Variants in ABCC4 observed in about 807,000 individuals in gnomAD.
The protein encoded by ABCC4 is ATP binding cassette subfamily C member 4 (PEL blood group).
A neutral mutation model predicts 168.5 loss-of-function variants in ABCC4; 102 were observed. The observed-to-expected ratio is 0.61, with a 90% CI of 0.52 to 0.71. The LOEUF (loss-of-function observed/expected upper bound fraction) is 0.71. Ranked by LOEUF, ABCC4 falls within the 30% of genes least tolerant of loss-of-function variation. The pLI is 0.00. For missense variants in ABCC4, 1,402 were observed against 1,605.8 expected (o/e 0.87, Z 2.17); for synonymous variants, 617 against 590.7 (o/e 1.04, Z -0.65).
intron 22 of ABCC4, 88 bp from the exon 23 acceptor site, chr13:95,074,412 C>T (rs917921388): frequency 6.6e-6 from 7 of 1,064,698 alleles, no homozygotes; most frequent in African/African-American, 3.2e-5. Context: ...AAGATTTTTA[C>T]GTGGAGTAGG....
intron 28 of ABCC4, 101 bp from the exon 29 acceptor site, chr13:95,043,888 C>T: frequency 1.4e-6 from 1 of 731,020 alleles, no homozygotes; most frequent in Non-Finnish European, 2.2e-6. Flanking sequence ...AAAAAAAGAT[C>T]ATATCTATTT....
In ABCC4 at chr13:95,206,608, C is replaced by T. The variant is rs986813068; in HGVS notation, c.1085G>A (p.Arg362Gln). The T allele has an allele frequency of 5.0e-6, 8 of 1,614,120 alleles. No individual in the cohort carries two copies. Among genetic ancestry groups the T allele is most frequent in the Non-Finnish European group, 6.8e-6 (8 of 1,180,016 alleles). Residue 362 changes from arginine (R) to glutamine (Q), a missense_variant, in exon 8 of 31, where the codon CGG (arginine) becomes CAG (glutamine). Physicochemically the swap from Arg to Gln is conservative, Grantham distance 43 (BLOSUM62 1). Transcript: ENST00000645237. ...GGGGAAGAAGAGGGTAACCGTCAGC[C>T]GCACAGCCCCATACAGCGTCACTGC... The part of the protein sequence containing the change: ...FVAVTLYGAV[R>Q]LTVTLFFPSA...
chr13:95,191,282 G>C (rs1172629186), intron 9 of ABCC4, among the ~76,000 whole-genome samples: 2 of 152,120 alleles, frequency 1.3e-5, no homozygotes, highest in Non-Finnish European at 2.9e-5. Context: ...TCTATAAATG[G>C]TCAAATGCTA....
intron 6 of ABCC4, 99 bp from the exon 7 acceptor site, chr13:95,208,024 A>G (rs1269125318): frequency 2.9e-6 from 4 of 1,395,856 alleles, no homozygotes; most frequent in African/African-American, 1.4e-5. Context: ...GGTTCCCTAC[A>G]GCGCTTTTGC....
At position 95,263,315 on chromosome 13, in the gene ABCC4, G is replaced by A. The variant is rs890528126; in HGVS notation, c.75-15562C>T. On this transcript the variant is annotated intron_variant, in intron 1 of 30. Coordinates refer to ENST00000645237, the MANE Select transcript of ABCC4 (RefSeq NM_005845.5). ...GCATAGGAACCTAACCCTGTATTTCGCCTGGAAGCAATGGTTCAGTATTCA... is the reference window on the plus strand; with the variant it reads ...GCATAGGAACCTAACCCTGTATTTCACCTGGAAGCAATGGTTCAGTATTCA... 4.6e-5 allele frequency among the ~76,000 whole-genome samples: 7 copies of A among 152,170 alleles called. No homozygotes were observed. The East Asian group carries it at 7.7e-4, about 17-fold the overall frequency.
intron 8 of ABCC4, 25 bp from the exon 9 acceptor site, chr13:95,194,962 A>G (rs567886321): frequency 3.2e-6 from 5 of 1,586,018 alleles, no homozygotes; most frequent in East Asian, 4.5e-5. Flanking sequence ...AAAAACACAG[A>G]TTGTTTAAAT....
chr13:95,064,232 A>C (rs2033408119), intron 25 of ABCC4, among the ~76,000 whole-genome samples: 2 of 141,390 alleles, frequency 1.4e-5, no homozygotes, highest in African/African-American at 5.6e-5. Flanking sequence ...TTTTCTGCAC[A>C]TAGGTACATC....
chr13:95,083,667 C>A (rs2034171837), intron 20 of ABCC4, among the ~76,000 whole-genome samples: 1 of 151,962 alleles, frequency 6.6e-6, no homozygotes, highest in Admixed American at 6.6e-5. Flanking sequence ...GCTGGGACTA[C>A]AGGTGCATGT....
chr13:95,154,876 C>A (rs1464868635), intron 19 of ABCC4, among the ~76,000 whole-genome samples: 1 of 152,202 alleles, frequency 6.6e-6, no homozygotes, highest in Non-Finnish European at 1.5e-5. Context: ...GCACCAACTC[C>A]AGTGGTCATT....
chr13:95,240,642 C>T (rs9524859), intron 3 of ABCC4, among the ~76,000 whole-genome samples: 65,106 of 151,518 alleles, frequency 0.43, 14,369 homozygotes, highest in Non-Finnish European at 0.49. Flanking sequence ...CTGAAGCTGG[C>T]TTAGGGGTAG....
At chr13:95,219,455 G>T (rs1594323132) in intron 4 of ABCC4, among the ~76,000 whole-genome samples, 2 of 152,230 alleles carry the variant, frequency 1.3e-5, no homozygotes, top group South Asian at 2.1e-4. Context: ...ATCTTAAGGA[G>T]AATATAAATG....
At chr13:95,279,622 G>T (rs1454109239) in intron 1 of ABCC4, among the ~76,000 whole-genome samples, 1 of 152,186 alleles carries the variant, frequency 6.6e-6, no homozygotes, top group Non-Finnish European at 1.5e-5. Flanking sequence ...GGAGTGGAAA[G>T]GGGCGAGGCA....
chr13:95,060,173 T>G (rs983122058), intron 26 of ABCC4, among the ~76,000 whole-genome samples: 1 of 152,172 alleles, frequency 6.6e-6, no homozygotes, highest in African/African-American at 2.4e-5. Flanking sequence ...AAGGAAAGTC[T>G]CTCTGTTTAC....
chr13:95,117,984 A>G (rs906259683), intron 19 of ABCC4, among the ~76,000 whole-genome samples: 1 of 152,216 alleles, frequency 6.6e-6, no homozygotes, highest in African/African-American at 2.4e-5. Flanking sequence ...CCAACCCTTT[A>G]TCTTGACCAT....
At chr13:95,265,789 G>A (rs977372313) in intron 1 of ABCC4, among the ~76,000 whole-genome samples, 1 of 152,164 alleles carries the variant, frequency 6.6e-6, no homozygotes, top group Non-Finnish European at 1.5e-5. Context: ...CTCTGAAGGA[G>A]AGGCAAGTGC....
intron 4 of ABCC4, among the ~76,000 whole-genome samples, chr13:95,228,344 C>T (rs1433783481): frequency 6.6e-6 from 1 of 152,156 alleles, no homozygotes; most frequent in Non-Finnish European, 1.5e-5. Context: ...GGGAAGGGTG[C>T]ACAAGCCCAG....
chr13:95,144,517 C>T (rs2036423460), intron 19 of ABCC4, among the ~76,000 whole-genome samples: 1 of 152,170 alleles, frequency 6.6e-6, no homozygotes, highest in Non-Finnish European at 1.5e-5. Flanking sequence ...CTCTGCCCAA[C>T]AGCTCCCAGA....
chr13:95,074,320 A>G lies in ABCC4; in HGVS notation c.2811T>C (p.Ala937=). 6.2e-7 allele frequency: 1 copy of G among 1,610,700 alleles called. No individual in the cohort carries two copies. The highest frequency in any genetic ancestry group is 8.5e-7 in the Non-Finnish European group (1 of 1,178,016). Residue 937 remains alanine (A), a synonymous_variant, in exon 23 of 31, where the codon GCT becomes GCC. Transcript: ENST00000645237. ...GGGACGTTGTCAAAAACAAGAACCAAGCCTCTGAATTTGAGAACGGTAATA... is the reference window on the plus strand; with the variant it reads ...GGGACGTTGTCAAAAACAAGAACCAGGCCTCTGAATTTGAGAACGGTAATA... The part of the protein sequence containing the change: ...FDAHQDLHSE[A]WFLFLTTSRW...
At chr13:95,215,618 T>C (rs970750369) in intron 4 of ABCC4, among the ~76,000 whole-genome samples, 1 of 152,082 alleles carries the variant, frequency 6.6e-6, no homozygotes, top group Admixed American at 6.6e-5. Flanking sequence ...TCAATCAATA[T>C]CTGAACATAA....
Sources: gnomAD v4.1 joint callset for allele counts (sites outside exome capture counted in the v4.1 genomes callset) on GRCh38, gnomAD v4.1.1 for gene constraint, MANE v1.5 for transcripts, NCBI Gene and HGNC (gene_info 2026-07-23, HGNC 2026-07-21) for gene names.